CLYBL: variants seen among roughly 807,000 people sequenced by gnomAD.
CLYBL encodes citramalyl-CoA lyase, mitochondrial.
In CLYBL, 31 loss-of-function variants were observed where a neutral mutation model predicts 38.9. The observed-to-expected ratio is 0.80, with a 90% CI of 0.60 to 1.08. The LOEUF (loss-of-function observed/expected upper bound fraction) is 1.08, where lower values mean the gene tolerates loss of function less well. CLYBL is among the 50% of genes least tolerant of loss of function. The pLI is 0.00. For missense variants in CLYBL, 434 were observed against 411.6 expected, an observed-to-expected ratio of 1.05 and a Z score of -0.47; for synonymous variants, 171 against 158.6, an observed-to-expected ratio of 1.08 and a Z score of -0.59.
At chr13:99,607,612 T>C (rs2046548623) in intron 1 of CLYBL, among the ~76,000 whole-genome samples, 1 of 152,216 alleles carries the variant, frequency 6.6e-6, no homozygotes, top group Non-Finnish European at 1.5e-5. Context: ...TGTGAAGAAG[T>C]TGGGTGTCAT....
downstream of CLYBL, chr13:99,894,868 A>T (rs1226649012): frequency 1.3e-5 from 2 of 151,910 alleles, no homozygotes; most frequent in African/African-American, 4.8e-5. Flanking sequence ...TGGTGAAGGG[A>T]ACTCCAGTCA....
At chr13:99,681,073 A>G (rs1056618777) in intron 1 of CLYBL, among the ~76,000 whole-genome samples, 1 of 152,240 alleles carries the variant, frequency 6.6e-6, no homozygotes, top group African/African-American at 2.4e-5. Flanking sequence ...GTCTGTGAAC[A>G]AAGTCCTAAG....
chr13:99,640,591 A>G (rs2047079253), intron 1 of CLYBL, among the ~76,000 whole-genome samples: 1 of 152,220 alleles, frequency 6.6e-6, no homozygotes, highest in Non-Finnish European at 1.5e-5. Context: ...CTCTGCTTCT[A>G]AAGGAGTATT....
chr13:99,737,599 G>A (rs1487240509), intron 1 of CLYBL, among the ~76,000 whole-genome samples: 2 of 152,186 alleles, frequency 1.3e-5, no homozygotes, highest in African/African-American at 4.8e-5. Flanking sequence ...ACTCATGACT[G>A]GTTGTTTCTC....
chr13:99,654,954 G>A (rs1284490540), intron 1 of CLYBL, among the ~76,000 whole-genome samples: 2 of 152,012 alleles, frequency 1.3e-5, no homozygotes, highest in Non-Finnish European at 1.5e-5. Flanking sequence ...GCAGTGAGCC[G>A]AGATCGCGCT....
intron 2 of CLYBL, among the ~76,000 whole-genome samples, chr13:99,826,329 A>G (rs532275086): frequency 3.9e-5 from 6 of 152,312 alleles, no homozygotes; most frequent in East Asian, 3.9e-4. Flanking sequence ...GAACCATGAC[A>G]TCAATGCCTA....
In CLYBL at chr13:99,769,808, G is replaced by C. The variant is rs902560447; in HGVS notation, c.63-3016G>C. On this transcript the variant is annotated intron_variant, in intron 1 of 8. Transcript: ENST00000339105. ...CAAGTTTTAGAATTCCTTAAGGTAA[G>C]GTCGGCTACAAGAAGGAATGAGGGC... is the stretch of plus-strand genomic sequence containing the variant. Among the ~76,000 whole-genome samples, 6 of 152,142 alleles carry C rather than the reference G, an allele frequency of 3.9e-5. No individual in the cohort carries two copies. In the South Asian group the frequency reaches 1.0e-3, roughly 26 times the overall value.
At chr13:99,813,241 A>G (rs1463068838) in intron 2 of CLYBL, among the ~76,000 whole-genome samples, 3 of 152,206 alleles carry the variant, frequency 2.0e-5, no homozygotes, top group Admixed American at 2.0e-4. Context: ...CCCTTGGAAT[A>G]GAAATATCCA....
chr13:99,631,379 A>G (rs1478527138), intron 1 of CLYBL, among the ~76,000 whole-genome samples: 1 of 151,162 alleles, frequency 6.6e-6, no homozygotes, highest in Non-Finnish European at 1.5e-5. Flanking sequence ...ATACACATAT[A>G]TAATTTATAT....
intron 2 of CLYBL, among the ~76,000 whole-genome samples, chr13:99,811,968 G>A (rs1954902325): frequency 6.6e-6 from 1 of 152,186 alleles, no homozygotes; most frequent in South Asian, 2.1e-4. Context: ...CATATGAAGA[G>A]AGTAGCATGA....
Position 99,864,815 on chromosome 13 carries a change from C to T in CLYBL, c.541-3C>T. On this transcript the variant is annotated splice_polypyrimidine_tract_variant and splice_region_variant and intron_variant, in intron 4 of 8. Coordinates refer to ENST00000339105, the MANE Select transcript of CLYBL (RefSeq NM_206808.5). ...GACTTAGTTCTGTTCTGCTCTTTTA[C>T]AGGCAGTGTGTGAAGAAACCCTGAA... 5 of 1,609,410 alleles carry T rather than the reference C, an allele frequency of 3.1e-6. No individual in the cohort carries two copies. The South Asian group carries it at 4.4e-5, about 14-fold the overall frequency.
intron 7 of CLYBL, among the ~76,000 whole-genome samples, chr13:99,873,739 A>T (rs2051967514): frequency 6.6e-6 from 1 of 152,214 alleles, no homozygotes; most frequent in Non-Finnish European, 1.5e-5. Context: ...TTTCTATAGT[A>T]ATAATCATTA....
intron 7 of CLYBL, chr13:99,885,168 A>G: frequency 2.0e-6 from 1 of 496,022 alleles, no homozygotes; most frequent in Non-Finnish European, 4.1e-6. Flanking sequence ...AGCAATGTAA[A>G]CAAATACTCT....
chr13:99,856,679 C>T (rs2051466537), intron 2 of CLYBL, among the ~76,000 whole-genome samples: 1 of 152,036 alleles, frequency 6.6e-6, no homozygotes. Context: ...CGCTCTGTGT[C>T]CTATGCTGGA....
At chr13:99,846,632 C>T (rs541948264) in intron 2 of CLYBL, among the ~76,000 whole-genome samples, 19 of 152,298 alleles carry the variant, frequency 1.2e-4, no homozygotes, top group Admixed American at 5.9e-4. Context: ...GTGCTTCCTC[C>T]AGAAGACAAG....
chr13:99,810,956 A>C (rs2050329495), intron 2 of CLYBL, among the ~76,000 whole-genome samples: 1 of 152,196 alleles, frequency 6.6e-6, no homozygotes, highest in African/African-American at 2.4e-5. Flanking sequence ...GTTTACAAAG[A>C]AACAGAAGCC....
At chr13:99,766,683 T>G (rs1366663997) in intron 1 of CLYBL, among the ~76,000 whole-genome samples, 1 of 152,150 alleles carries the variant, frequency 6.6e-6, no homozygotes, top group Non-Finnish European at 1.5e-5. Context: ...CTTAGAGGCT[T>G]TTTGCTGCTG....
chr13:99,628,524 C>T (rs756859888), intron 1 of CLYBL, among the ~76,000 whole-genome samples: 1 of 152,182 alleles, frequency 6.6e-6, no homozygotes, highest in Non-Finnish European at 1.5e-5. Flanking sequence ...TGTGAAGTTG[C>T]ACCAGGGTGG....
chr13:99,653,831 G>T (rs76491530), intron 1 of CLYBL, among the ~76,000 whole-genome samples: 1 of 152,140 alleles, frequency 6.6e-6, no homozygotes, highest in Non-Finnish European at 1.5e-5. Context: ...GGTATGATGG[G>T]CTGGACATGC....
Sources: allele counts gnomAD v4.1 joint callset (sites outside exome capture counted in the v4.1 genomes callset), GRCh38; gene constraint gnomAD v4.1.1; transcripts MANE v1.5; gene names NCBI Gene and HGNC (gene_info 2026-07-23, HGNC 2026-07-21).